The following DDX10 variants were observed in gnomAD, a reference collection of about 807,000 sequenced individuals.
DDX10 encodes probable ATP-dependent RNA helicase DDX10.
In DDX10, 74 loss-of-function variants were observed where a neutral mutation model predicts 104.3. The ratio of observed to expected loss-of-function variants is 0.71; its 90% CI spans 0.59 to 0.86. The LOEUF is 0.86. Among genes scored for constraint, DDX10 ranks in the 40% least tolerant of loss-of-function variants. The probability of loss-of-function intolerance (pLI) is 0.00; values close to 1 mark genes in which losing one functional copy is unlikely to be tolerated. For missense variants in DDX10, 952 were observed against 1,040.0 expected (o/e 0.92, Z 1.16); for synonymous variants, 351 against 353.4 (o/e 0.99, Z 0.08).
intron 1 of DDX10, among the ~76,000 whole-genome samples, chr11:108,665,642 C>A (rs1182657068): frequency 1.3e-5 from 2 of 152,042 alleles, no homozygotes; most frequent in Non-Finnish European, 2.9e-5. Context: ...ATAATGACAC[C>A]TACATTTTTA....
chr11:108,741,006 T>G (rs2094324519), intron 13 of DDX10, among the ~76,000 whole-genome samples: 1 of 152,204 alleles, frequency 6.6e-6, no homozygotes, highest in Admixed American at 6.5e-5. Context: ...GGGGTCCAGT[T>G]CAATCTTTTG....
At chr11:108,904,817 T>G (rs2512694) in intron 16 of DDX10, among the ~76,000 whole-genome samples, 9 of 152,196 alleles carry the variant, frequency 5.9e-5, no homozygotes, top group African/African-American at 2.2e-4. Context: ...ACTAACTCCA[T>G]GGCTATTTTA....
chr11:108,886,593 G>A (rs914768019), intron 16 of DDX10, among the ~76,000 whole-genome samples: 2 of 152,150 alleles, frequency 1.3e-5, no homozygotes, highest in South Asian at 2.1e-4. Flanking sequence ...AATGCTGCCT[G>A]TATCATTGCT....
chr11:108,889,585 T>C (rs932342481), intron 16 of DDX10, among the ~76,000 whole-genome samples: 3 of 152,202 alleles, frequency 2.0e-5, no homozygotes, highest in Non-Finnish European at 4.4e-5. Context: ...TTTGCCAAAG[T>C]ACGGATGACC....
intron 16 of DDX10, among the ~76,000 whole-genome samples, chr11:108,868,696 T>TA (rs1192822777): frequency 6.6e-6 from 1 of 152,102 alleles, no homozygotes; most frequent in East Asian, 1.9e-4. Context: ...AATGTTTTCC[T>TA]ATGCCAATGT....
chr11:108,809,244 T>A (rs1248140394), intron 13 of DDX10, among the ~76,000 whole-genome samples: 1 of 152,008 alleles, frequency 6.6e-6, no homozygotes, highest in African/African-American at 2.4e-5. Context: ...CGTATCGCAG[T>A]GGATTGAGAG....
At chr11:108,837,245 C>T (rs1460905085) in intron 13 of DDX10, among the ~76,000 whole-genome samples, 2 of 152,204 alleles carry the variant, frequency 1.3e-5, no homozygotes, top group Non-Finnish European at 2.9e-5. Context: ...TCTCATATAG[C>T]TTATTAGTGA....
At chr11:108,747,934 C>T (rs1457952082) in intron 13 of DDX10, among the ~76,000 whole-genome samples, 1 of 151,872 alleles carries the variant, frequency 6.6e-6, no homozygotes, top group Admixed American at 6.6e-5. Flanking sequence ...CAGACACATA[C>T]ATATACAGTA....
At chr11:108,865,575 T>C (rs1488016465) in intron 16 of DDX10, among the ~76,000 whole-genome samples, 1 of 152,088 alleles carries the variant, frequency 6.6e-6, no homozygotes, top group East Asian at 1.9e-4. Context: ...AGGTTTTTTT[T>C]ACTGGCACAC....
intron 16 of DDX10, among the ~76,000 whole-genome samples, chr11:108,879,499 T>G (rs1863198926): frequency 6.6e-6 from 1 of 152,182 alleles, no homozygotes. Context: ...TCTACATTGC[T>G]CCCACTGATA....
chr11:108,829,977 GT>G (rs1220223801), intron 13 of DDX10, among the ~76,000 whole-genome samples: 1 of 152,146 alleles, frequency 6.6e-6, no homozygotes, highest in East Asian at 1.9e-4. Flanking sequence ...TTATAGTATA[GT>G]TTGAAGTTGG....
At chr11:108,769,841 C>G (rs1490298228) in intron 13 of DDX10, among the ~76,000 whole-genome samples, 2 of 152,128 alleles carry the variant, frequency 1.3e-5, no homozygotes, top group Non-Finnish European at 2.9e-5. Flanking sequence ...CTGTATCAGA[C>G]ATTAACACTG....
intron 16 of DDX10, among the ~76,000 whole-genome samples, chr11:108,893,366 C>T (rs1863400739): frequency 6.6e-6 from 1 of 151,974 alleles, no homozygotes; most frequent in South Asian, 2.1e-4. Context: ...TGGGTTCTAG[C>T]TCTACTACCG....
chr11:108,779,180 C>T (rs929049080), intron 13 of DDX10, among the ~76,000 whole-genome samples: 3 of 152,118 alleles, frequency 2.0e-5, no homozygotes, highest in Admixed American at 1.3e-4. Context: ...AGCCATCCCA[C>T]TACTGGGCAT....
At chr11:108,763,003 A>G (rs1006286446) in intron 13 of DDX10, among the ~76,000 whole-genome samples, 4 of 152,190 alleles carry the variant, frequency 2.6e-5, no homozygotes, top group African/African-American at 9.7e-5. Flanking sequence ...TTGCAGCCAC[A>G]AAGTGATGGT....
At chr11:108,809,268 T>A (rs915995142) in intron 13 of DDX10, among the ~76,000 whole-genome samples, 1 of 152,198 alleles carries the variant, frequency 6.6e-6, no homozygotes, top group Non-Finnish European at 1.5e-5. Context: ...AATAAGATGT[T>A]AAAATGCGAG....
chr11:108,808,602 C>T (rs192289624), intron 13 of DDX10, among the ~76,000 whole-genome samples: 6 of 152,014 alleles, frequency 3.9e-5, no homozygotes, highest in Non-Finnish European at 8.8e-5. Context: ...ATCAGTAGTC[C>T]TTAAGGTTGT....
At chr11:108,752,137 C>A (rs938515843) in intron 13 of DDX10, among the ~76,000 whole-genome samples, 2 of 152,082 alleles carry the variant, frequency 1.3e-5, no homozygotes, top group African/African-American at 4.8e-5. Context: ...GTGGTAAGAA[C>A]AAGGTACTGA....
chr11:108,913,308 G>A (rs959476117), intron 16 of DDX10, among the ~76,000 whole-genome samples: 2 of 152,066 alleles, frequency 1.3e-5, no homozygotes, highest in African/African-American at 4.8e-5. Flanking sequence ...CCAGGTCATA[G>A]GTAGTTAAGA....
Sources: allele counts gnomAD v4.1 joint callset (sites outside exome capture counted in the v4.1 genomes callset), GRCh38; gene constraint gnomAD v4.1.1; transcripts MANE v1.5; gene names NCBI Gene and HGNC (gene_info 2026-07-23, HGNC 2026-07-21).